The following CDH26 variants were observed in gnomAD, a reference collection of about 807,000 sequenced individuals.
CDH26 encodes the protein cadherin 26, also known as cadherin-like protein 26.
Under a neutral mutation model 90.3 loss-of-function variants are expected in CDH26, and 83 were observed. That is an observed-to-expected ratio of 0.92 (90% confidence interval 0.77 to 1.10). The LOEUF is 1.10. CDH26 is among the 50% of genes least tolerant of loss of function. CDH26 has a pLI of 0.00. For missense variants in CDH26, 1,013 were observed against 1,037.6 expected, an observed-to-expected ratio of 0.98 and a Z score of 0.33; for synonymous variants, 397 against 396.3, an observed-to-expected ratio of 1.00 and a Z score of -0.02.
rs1364571200 is a variant in CDH26, at chr20:59,996,048, C to G, written c.1882C>G (p.Leu628Val). The stretch of plus-strand genomic sequence containing the variant: ...CCCTGTCTGTGCAGCATTTGTGGCT[C>G]TGGCAGGTCAGTGGTCTGTAGGGGT... ...LFPVCAAFVALAVALLFLLRC... is the reference protein window; with the variant it reads ...LFPVCAAFVAVAVALLFLLRC... The change falls in exon 12 of 18, where the codon CTG (leucine) becomes GTG (valine). Residue 628 changes from leucine to valine, a missense_variant. By Grantham distance (32) the Leu-to-Val change is conservative. Coordinates refer to ENST00000348616, the MANE Select transcript of CDH26 (RefSeq NM_177980.4). 1.2e-6 allele frequency: 2 copies of G among 1,612,614 alleles called. No homozygotes were observed. The highest frequency in any genetic ancestry group is 1.7e-6 in the Non-Finnish European group (2 of 1,179,964).
chr20:60,034,279 C>T (rs2062067127), downstream of CDH26, among the ~76,000 whole-genome samples: 1 of 152,182 alleles, frequency 6.6e-6, no homozygotes, highest in Admixed American at 6.5e-5. Context: ...AAGGCAATGT[C>T]CCTCTGCCAC....
intron 16 of CDH26, among the ~76,000 whole-genome samples, chr20:60,003,465 T>C (rs143582718): frequency 2.0e-5 from 3 of 152,142 alleles, no homozygotes; most frequent in African/African-American, 7.2e-5. Context: ...TATAAACTGG[T>C]TTTTAAAGTA....
Position 59,970,097 on chromosome 20 carries a change from C to T in CDH26, c.142C>T (p.Pro48Ser). ...TKQTKEKIYQ[P>S]LRRSKRRWVI... is the part of the protein sequence containing the mutation. Reference sequence around the variant, plus strand: ...TAAGTTCCAGGAAAAGATCTACCAGCCTCTACGGCGATCCAAGAGAAGATG... The same window carrying T: ...TAAGTTCCAGGAAAAGATCTACCAGTCTCTACGGCGATCCAAGAGAAGATG... The change falls in exon 3 of 18, where the codon CCT becomes TCT. Residue 48 changes from proline to serine, a missense_variant. By Grantham distance (74) the Pro-to-Ser change is moderately conservative (BLOSUM62 -1). Transcript: ENST00000348616. 4 of 1,613,574 alleles carry T rather than the reference C, an allele frequency of 2.5e-6. No individual in the cohort carries two copies. The highest frequency in any genetic ancestry group is 3.4e-6 in the Non-Finnish European group (4 of 1,179,734).
At chr20:60,018,633 T>C (rs542658019), downstream of CDH26, among the ~76,000 whole-genome samples, 6 of 151,628 alleles carry the variant, frequency 4.0e-5, no homozygotes, top group Middle Eastern at 6.9e-3. Context: ...CTCCTGTCAT[T>C]TTATTGATTT....
chr20:60,021,849 T>TACAC lies in CDH26; in HGVS notation c.948-9336_948-9333dup, dbSNP rs757813328. Among the ~76,000 whole-genome samples, 310 of 42,604 alleles carry TACAC rather than the reference T, an allele frequency of 7.3e-3. 23 individuals are homozygous for TACAC. Among genetic ancestry groups the TACAC allele is most frequent in the East Asian group, 0.059 (102 of 1,716 alleles). 27.9% of individuals were successfully genotyped at this position (42,604 alleles called of 152,430 possible). On this transcript the variant is annotated intron_variant, in intron 7 of 8. Coordinates refer to the CDH26 transcript ENST00000370991. The stretch of plus-strand genomic sequence containing the variant: ...ATTTTGAAGCCGATATCCTTATCTG[T>TACAC]ACACACACACACACACACACACACA...
chr20:59,985,408 C>A (rs543129726), intron 7 of CDH26, among the ~76,000 whole-genome samples: 13 of 152,028 alleles, frequency 8.6e-5, no homozygotes, highest in African/African-American at 3.1e-4. Context: ...CACTCGGTGA[C>A]AACAAGAGCA....
intron 9 of CDH26, among the ~76,000 whole-genome samples, chr20:59,989,490 T>G: frequency 7.0e-6 from 1 of 143,820 alleles, no homozygotes; most frequent in Non-Finnish European, 1.5e-5. Flanking sequence ...ATTGCGCCAC[T>G]GCAGTCCGCA....
At chr20:59,974,113 T>C (rs1177804279) in intron 4 of CDH26, among the ~76,000 whole-genome samples, 1 of 152,224 alleles carries the variant, frequency 6.6e-6, no homozygotes, top group Non-Finnish European at 1.5e-5. Flanking sequence ...TGGTATCTCA[T>C]TGTGGTTTTA....
At chr20:59,997,901 A>C (rs195000) in intron 13 of CDH26, among the ~76,000 whole-genome samples, 29,485 of 152,198 alleles carry the variant, frequency 0.19, 7,279 homozygotes, top group African/African-American at 0.58. Context: ...GGGTTCTTTG[A>C]ATTTTGTCTT....
chr20:59,961,790 G>A (rs1343826613), intron 1 of CDH26, among the ~76,000 whole-genome samples: 1 of 152,188 alleles, frequency 6.6e-6, no homozygotes, highest in Non-Finnish European at 1.5e-5. Flanking sequence ...CCAAGGAAGA[G>A]GAGTTTTCTC....
At chr20:60,021,897 C>CACACACACACACACACACACATAT (rs1295572684) in intron 7 of CDH26, among the ~76,000 whole-genome samples, 21 of 78,934 alleles carry the variant, frequency 2.7e-4, no homozygotes, top group Admixed American at 6.5e-4. Flanking sequence ...CACACACACA[C>CACACACACACACACACACACATAT]ATATATATAT....
chr20:59,984,541 G>T, intron 5 of CDH26, 98 bp from the exon 6 acceptor site: 1 of 852,458 alleles, frequency 1.2e-6, no homozygotes, highest in South Asian at 1.7e-5. Flanking sequence ...ACTCATTTTG[G>T]TATATGCCCC....
intron 4 of CDH26, among the ~76,000 whole-genome samples, chr20:59,977,684 A>C (rs1482945537): frequency 7.4e-6 from 1 of 134,414 alleles, no homozygotes; most frequent in African/African-American, 3.1e-5. Context: ...CCCTCCCTTC[A>C]GATTCCCCTA....
At chr20:60,000,612 G>T (rs2061663326) in intron 14 of CDH26, among the ~76,000 whole-genome samples, 1 of 152,210 alleles carries the variant, frequency 6.6e-6, no homozygotes, top group African/African-American at 2.4e-5. Flanking sequence ...TCATCTTATT[G>T]AATTTTCACC....
intron 7 of CDH26, chr20:60,031,094 G>A (rs2062036613): frequency 1.1e-6 from 1 of 951,708 alleles, no homozygotes; most frequent in Non-Finnish European, 1.3e-6. Flanking sequence ...TTTAGGCCAT[G>A]TAGGATAACT....
In CDH26 at chr20:60,012,895, G is replaced by A. The variant is rs765580246; in HGVS notation, c.*165G>A. The A allele has an allele frequency of 4.9e-6, 3 of 614,234 alleles. No homozygotes were observed. Among genetic ancestry groups the A allele is most frequent in the Non-Finnish European group, 8.2e-6 (3 of 366,704 alleles). The allele number at this position is 614,234 out of a possible 1,614,324, so 38.0% of individuals were successfully genotyped here. A position where few individuals can be genotyped will look rare whatever the true frequency, so the allele number is the denominator to read the frequency against. On this transcript the variant is annotated 3_prime_UTR_variant, in exon 18 of 18. Coordinates refer to ENST00000348616, the MANE Select transcript of CDH26 (RefSeq NM_177980.4). ...TGAATTAAATGCTTTGATATTCTCA[G>A]ATCAGCCATCTTGAACCAAAGCAAA...
At chr20:59,981,893 T>C (rs1015960179) in intron 4 of CDH26, among the ~76,000 whole-genome samples, 1 of 152,112 alleles carries the variant, frequency 6.6e-6, no homozygotes, top group Non-Finnish European at 1.5e-5. Flanking sequence ...CCTGGAGTTT[T>C]TTGTTTTTAT....
At chr20:60,009,883 G>A (rs79059660) in intron 17 of CDH26, among the ~76,000 whole-genome samples, 2,010 of 152,178 alleles carry the variant, frequency 0.013, 19 homozygotes, top group Non-Finnish European at 0.02. Context: ...GACGTGAACC[G>A]ACTCCTAACA....
intron 16 of CDH26, 86 bp from the exon 17 acceptor site, chr20:60,006,627 T>C (rs376350164): frequency 1.1e-6 from 1 of 927,006 alleles, no homozygotes. Context: ...GTGTGCCCCA[T>C]CTATGCTGGG....
Sources: gnomAD v4.1 joint callset for allele counts (sites outside exome capture counted in the v4.1 genomes callset) on GRCh38, gnomAD v4.1.1 for gene constraint, MANE v1.5 for transcripts, NCBI Gene and HGNC (gene_info 2026-07-23, HGNC 2026-07-21) for gene names.